Variants in SHANK2 observed in about 807,000 individuals in gnomAD.
The protein encoded by SHANK2 is SH3 and multiple ankyrin repeat domains protein 2.
In SHANK2, 43 loss-of-function variants were observed where a neutral mutation model predicts 133.7. The observed-to-expected ratio is 0.32, with a 90% confidence interval of 0.25 to 0.41. The LOEUF is 0.41. Ranked by LOEUF, SHANK2 falls within the 10% of genes least tolerant of loss-of-function variation. SHANK2 has a pLI of 1.00. For missense variants in SHANK2, 1,994 were observed against 2,235.8 expected (o/e 0.89, Z 2.18); for synonymous variants, 1,017 against 952.8 (o/e 1.07, Z -1.24).
chr11:70,747,274 C>T (rs1264411458), intron 14 of SHANK2, among the ~76,000 whole-genome samples: 2 of 151,914 alleles, frequency 1.3e-5, no homozygotes, highest in Non-Finnish European at 2.9e-5. Flanking sequence ...GGGCTCGGTG[C>T]CATGCTTAGG....
At position 70,486,333 on chromosome 11, in the gene SHANK2, G is replaced by C. The variant is rs782053793; in HGVS notation, c.3960C>G (p.Asp1320Glu). ...GCAGGGCGTTGTCCAGCTTAGTGGCGTCCACGGTGTGCACCATCAGCAGGC... is the reference window on the plus strand; with the variant it reads ...GCAGGGCGTTGTCCAGCTTAGTGGCCTCCACGGTGTGCACCATCAGCAGGC... ...SAGLLMVHTV[D>E]ATKLDNALQE... The change falls in exon 25 of 26, where the codon GAC becomes GAG. Residue 1320 changes from aspartate to glutamate, a missense_variant. Around this residue, in one of 5 missense-constraint regions of SHANK2, gnomAD observed 797 missense variants for 907.4 expected, o/e 0.88. Transcript: ENST00000601538. The surrounding 1 kb of genome is among the most constrained non-coding windows in gnomAD (Gnocchi z 8.0). 1.9e-6 allele frequency: 3 copies of C among 1,613,740 alleles called. No homozygotes were observed. Among genetic ancestry groups the C allele is most frequent in the Non-Finnish European group, 2.5e-6 (3 of 1,180,026 alleles).
At chr11:70,821,887 A>G (rs1555056019) in intron 11 of SHANK2, among the ~76,000 whole-genome samples, 1 of 151,804 alleles carries the variant, frequency 6.6e-6, no homozygotes, top group African/African-American at 2.4e-5. Context: ...GGGGCTGGGC[A>G]CCCCTTATCT....
Position 70,472,805 on chromosome 11 carries a change from G to T in SHANK2, c.*64C>A. 1 of 1,507,092 alleles carries T rather than the reference G, an allele frequency of 6.6e-7. No individual in the cohort carries two copies. Among genetic ancestry groups the T allele is most frequent in the Non-Finnish European group, 9.2e-7 (1 of 1,082,808 alleles). The allele number at this position is 1,507,092 out of a possible 1,614,324, so 93.4% of individuals were successfully genotyped here. On this transcript the variant is annotated 3_prime_UTR_variant, in exon 26 of 26. Transcript: ENST00000601538. The surrounding 1 kb of genome is among the most constrained non-coding windows in gnomAD (Gnocchi z 4.4). ...CACAGACTTCGCTTGGCATTCAGAT[G>T]TTTCAGCACGAGCCCATCTCTACTT...
chr11:70,845,547 C>T (rs1238229220), intron 11 of SHANK2, among the ~76,000 whole-genome samples: 3 of 152,012 alleles, frequency 2.0e-5, no homozygotes, highest in South Asian at 2.1e-4. Context: ...GATAGAGAGG[C>T]GGTGTTGGAA....
rs376173287 is a variant in SHANK2, at chr11:70,486,194, G to C, written c.4099C>G (p.Pro1367Ala). Residue 1367 changes from proline to alanine, a missense_variant, in exon 25 of 26, where the codon CCC becomes GCC. This residue lies in a region of SHANK2 where 797 missense variants were observed against 907.4 expected (regional missense o/e 0.88). Transcript: ENST00000601538. This position sits in a 1 kb window ranked among gnomAD's most constrained non-coding sequence, Gnocchi z 8.0. Reference sequence around the variant, plus strand: ...ATGGTTCTGCCGGGCACGGTGGTGGGCTCGGGGGCAGCGGAGATCTGTAAA... The same window carrying C: ...ATGGTTCTGCCGGGCACGGTGGTGGCCTCGGGGGCAGCGGAGATCTGTAAA... ...GALQISAAPE[P>A]TTVPGRTIVA... 3.5e-5 allele frequency: 57 copies of C among 1,613,340 alleles called. No homozygotes were observed. Among genetic ancestry groups the C allele is most frequent in the Non-Finnish European group, 4.3e-5 (51 of 1,179,542 alleles).
chr11:71,142,125 A>G (rs1331476328), intron 3 of SHANK2, among the ~76,000 whole-genome samples: 1 of 152,210 alleles, frequency 6.6e-6, no homozygotes, highest in Non-Finnish European at 1.5e-5. Flanking sequence ...CAAAAACTCA[A>G]AGGAGCATGA....
At chr11:70,795,753 G>A (rs1264004083) in intron 14 of SHANK2, among the ~76,000 whole-genome samples, 3 of 152,168 alleles carry the variant, frequency 2.0e-5, no homozygotes, top group East Asian at 3.8e-4. Flanking sequence ...GCAGAAGGGA[G>A]GGTTGGAGAG....
At chr11:71,116,589 G>A (rs1449264805) in intron 4 of SHANK2, among the ~76,000 whole-genome samples, 4 of 152,264 alleles carry the variant, frequency 2.6e-5, no homozygotes, top group African/African-American at 9.6e-5. Context: ...AAGCTGTGCT[G>A]TTGAGAACAG....
chr11:71,099,228 C>T (rs546471277), intron 6 of SHANK2, among the ~76,000 whole-genome samples: 46 of 151,696 alleles, frequency 3.0e-4, no homozygotes, highest in African/African-American at 9.7e-4. Flanking sequence ...TGTGGGAACC[C>T]GGGTGGGGCC....
intron 11 of SHANK2, among the ~76,000 whole-genome samples, chr11:70,842,467 A>G (rs1948922107): frequency 6.6e-6 from 1 of 152,174 alleles, no homozygotes; most frequent in African/African-American, 2.4e-5. Context: ...AACCTGTCTG[A>G]GCCACTGTCT....
At chr11:70,868,642 A>G (rs1293362269) in intron 11 of SHANK2, among the ~76,000 whole-genome samples, 1 of 152,196 alleles carries the variant, frequency 6.6e-6, no homozygotes, top group Non-Finnish European at 1.5e-5. Flanking sequence ...CACATCTTAC[A>G]CAGTCAGCCT....
chr11:71,200,835 C>CACAG (rs1954004632), intron 2 of SHANK2, among the ~76,000 whole-genome samples: 1 of 139,692 alleles, frequency 7.2e-6, no homozygotes, highest in African/African-American at 2.7e-5. Context: ...AATTAATACA[C>CACAG]ACACACACAC....
rs562473559 is a variant in SHANK2 at position 71,169,434 on chromosome 11, G to C, written c.-12-22096C>G. On this transcript the variant is annotated intron_variant, in intron 2 of 25. Transcript: ENST00000601538. ...ATTCATGTGACTCCAAAATATGTATGTACATAAGTCTACACAGAATGTGTA... is the reference window on the plus strand; with the variant it reads ...ATTCATGTGACTCCAAAATATGTATCTACATAAGTCTACACAGAATGTGTA... Among the ~76,000 whole-genome samples the C allele has an allele frequency of 5.3e-5, 8 of 152,234 alleles. No homozygotes were observed. The South Asian group carries it at 6.2e-4, about 12-fold the overall frequency.
chr11:71,084,326 C>A (rs1400144554), intron 8 of SHANK2, among the ~76,000 whole-genome samples: 1 of 152,186 alleles, frequency 6.6e-6, no homozygotes, highest in Non-Finnish European at 1.5e-5. Flanking sequence ...TGGGGCTCTT[C>A]TAACATCAGC....
chr11:70,666,648 G>A (rs1360500224), intron 15 of SHANK2, among the ~76,000 whole-genome samples: 1 of 152,174 alleles, frequency 6.6e-6, no homozygotes, highest in Non-Finnish European at 1.5e-5. Flanking sequence ...ACATGCAGAT[G>A]AGATGCACTG....
At chr11:71,219,343 A>G (rs964599629) in intron 2 of SHANK2, among the ~76,000 whole-genome samples, 1 of 152,238 alleles carries the variant, frequency 6.6e-6, no homozygotes, top group Non-Finnish European at 1.5e-5. Context: ...GAGAACCCAG[A>G]TTGTCAGGAA....
intron 14 of SHANK2, among the ~76,000 whole-genome samples, chr11:70,784,343 GTTTTTTTTTTTTTTT>G (rs71049942): frequency 1.1e-3 from 46 of 42,860 alleles, no homozygotes; most frequent in Non-Finnish European, 1.7e-3. Flanking sequence ...ACACCGGCTA[GTTTTTTTTTTTTTTT>G]TTTTTTTTTT....
chr11:71,151,947 G>A (rs1952806753), intron 2 of SHANK2, among the ~76,000 whole-genome samples: 1 of 152,306 alleles, frequency 6.6e-6, no homozygotes, highest in South Asian at 2.1e-4. Context: ...CGAAGGGGGC[G>A]ATGCTGGCAG....
intron 21 of SHANK2, among the ~76,000 whole-genome samples, chr11:70,493,042 G>A (rs1007486175): frequency 5.3e-5 from 8 of 151,738 alleles, no homozygotes; most frequent in East Asian, 1.9e-4. Flanking sequence ...GTGATCCACC[G>A]GCCTTGGCCT....
Sources: allele counts gnomAD v4.1 joint callset (sites outside exome capture counted in the v4.1 genomes callset), GRCh38; gene constraint gnomAD v4.1.1; regional missense constraint gnomAD v4.1.1; non-coding constraint Gnocchi (gnomAD v3.1); transcripts MANE v1.5; gene names NCBI Gene and HGNC (gene_info 2026-07-23, HGNC 2026-07-21).